TRIM44: variants seen among roughly 807,000 people sequenced by gnomAD.
TRIM44 encodes tripartite motif-containing protein 44.
A neutral mutation model predicts 37.4 loss-of-function variants in TRIM44; 13 were observed. The observed-to-expected ratio is 0.35, with a 90% CI of 0.23 to 0.55. The LOEUF (loss-of-function observed/expected upper bound fraction) is 0.55. TRIM44 is among the 20% of genes least tolerant of loss of function. The probability of loss-of-function intolerance (pLI) is 0.89; values close to 1 mark genes in which losing one functional copy is unlikely to be tolerated. For synonymous variants in TRIM44, 175 were observed against 157.2 expected (o/e 1.11, Z -0.85); for missense variants, 426 against 437.2 (o/e 0.97, Z 0.23).
At chr11:35,673,364 T>C (rs1335570199) in intron 1 of TRIM44, among the ~76,000 whole-genome samples, 3 of 152,194 alleles carry the variant, frequency 2.0e-5, no homozygotes, top group Non-Finnish European at 4.4e-5. Context: ...ATTTTATTCA[T>C]GGCAGAGACA....
chr11:35,726,186 T>G (rs777757581), intron 3 of TRIM44, 23 bp downstream of exon 3: 1 of 1,609,190 alleles, frequency 6.2e-7, no homozygotes, highest in Admixed American at 1.7e-5. Context: ...CCCATAATTA[T>G]TAGTAGCAAG....
At position 35,663,558 on chromosome 11, in the gene TRIM44, G is replaced by A; in HGVS notation, c.447G>A (p.Gly149=). 6 of 1,613,552 alleles carry A rather than the reference G, an allele frequency of 3.7e-6. No homozygotes were observed. The highest frequency in any genetic ancestry group is 2.5e-6 in the Non-Finnish European group (3 of 1,179,766). The change falls in exon 1 of 5, where the codon GGG becomes GGA. Residue 149 remains glycine (G), a synonymous_variant. Transcript: ENST00000299413. ...SEAEEDNQEE[G]ESEAEGETEA... Reference sequence around the variant, plus strand: ...CCGAAGAAGACAACCAAGAAGAAGGGGAATCCGAGGCGGAGGGAGAAACTG... The same window carrying A: ...CCGAAGAAGACAACCAAGAAGAAGGAGAATCCGAGGCGGAGGGAGAAACTG...
In TRIM44 at chr11:35,815,425, A is replaced by G. The variant is rs1178411186; in HGVS notation, c.*9040A>G. ...TCTTTGACTTGGTGATAGTAGGGCA[A>G]TAGGGAGTGTCAGTAGGGTAGTTTC... is the stretch of plus-strand genomic sequence containing the variant. On this transcript the variant is annotated 3_prime_UTR_variant, in exon 5 of 5. Transcript: ENST00000299413. The G allele has an allele frequency of 6.6e-6, 1 of 152,166 alleles. No individual in the cohort carries two copies. The highest frequency in any genetic ancestry group is 1.5e-5 in the Non-Finnish European group (1 of 68,030). 9.4% of individuals were successfully genotyped at this position (152,166 alleles called of 1,614,324 possible).
At chr11:35,727,661 T>C (rs1166921696) in intron 3 of TRIM44, among the ~76,000 whole-genome samples, 2 of 152,222 alleles carry the variant, frequency 1.3e-5, no homozygotes, top group African/African-American at 4.8e-5. Flanking sequence ...CAGCATTAAC[T>C]CCATTTTACA....
rs976198977 is a variant in TRIM44, at chr11:35,812,590, G to A, written c.*6205G>A. Reference sequence around the variant, plus strand: ...TGACCACGGTTACACCCTAATAAGCGGGAAGCCAGAATTTAAACCCAGGTC... The same window carrying A: ...TGACCACGGTTACACCCTAATAAGCAGGAAGCCAGAATTTAAACCCAGGTC... On this transcript the variant is annotated 3_prime_UTR_variant, in exon 5 of 5. Coordinates refer to ENST00000299413, the MANE Select transcript of TRIM44 (RefSeq NM_017583.6). 2 of 152,116 alleles carry A rather than the reference G, an allele frequency of 1.3e-5. No homozygotes were observed. The highest frequency in any genetic ancestry group is 2.9e-5 in the Non-Finnish European group (2 of 68,024). The allele number at this position is 152,116 out of a possible 1,614,324, so 9.4% of individuals were successfully genotyped here. A position where few individuals can be genotyped will look rare whatever the true frequency, so the allele number is the denominator to read the frequency against.
intron 1 of TRIM44, among the ~76,000 whole-genome samples, chr11:35,679,370 C>T (rs1590498626): frequency 6.6e-6 from 1 of 152,118 alleles, no homozygotes; most frequent in East Asian, 1.9e-4. Context: ...AATGTTATTT[C>T]TGTGTTTTGG....
In TRIM44 at chr11:35,770,056, A is replaced by G. The variant is rs1005891999; in HGVS notation, c.1007+34611A>G. On this transcript the variant is annotated intron_variant, in intron 4 of 4. Transcript: ENST00000299413. Reference sequence around the variant, plus strand: ...CTAATAGTTTTTCAACCCTTGCCCCACTCCCTTCCCCGTCTAGTAGTCCCT... The same window carrying G: ...CTAATAGTTTTTCAACCCTTGCCCCGCTCCCTTCCCCGTCTAGTAGTCCCT... Among the ~76,000 whole-genome samples the G allele has an allele frequency of 7.9e-5, 12 of 151,736 alleles. 1 individual carries two copies. Among genetic ancestry groups the G allele is most frequent in the African/African-American group, 2.2e-4 (9 of 41,324 alleles).
intron 1 of TRIM44, among the ~76,000 whole-genome samples, chr11:35,668,457 G>T (rs1851355627): frequency 6.6e-6 from 1 of 152,230 alleles, no homozygotes; most frequent in Non-Finnish European, 1.5e-5. Flanking sequence ...TAAGTGAGAA[G>T]ATGCAGCATT....
intron 1 of TRIM44, among the ~76,000 whole-genome samples, chr11:35,680,445 G>GT (rs11410625): frequency 0.041 from 5,954 of 145,140 alleles, 314 homozygotes; most frequent in African/African-American, 0.12. Context: ...GCAAGGTTTT[G>GT]TTTTTTTTTT....
chr11:35,670,241 A>G (rs1375070378), intron 1 of TRIM44, among the ~76,000 whole-genome samples: 3 of 152,220 alleles, frequency 2.0e-5, no homozygotes, highest in African/African-American at 7.2e-5. Context: ...GGCTCAGTAT[A>G]TGTTCTCAGA....
intron 2 of TRIM44, among the ~76,000 whole-genome samples, chr11:35,696,543 G>A (rs1216397595): frequency 6.6e-6 from 1 of 151,006 alleles, no homozygotes; most frequent in Non-Finnish European, 1.5e-5. Context: ...CCCTTTTTTG[G>A]TAGTTTATTT....
intron 2 of TRIM44, among the ~76,000 whole-genome samples, chr11:35,705,918 G>T (rs942713964): frequency 6.7e-6 from 1 of 148,508 alleles, no homozygotes; most frequent in African/African-American, 2.4e-5. Context: ...AATCAGAGCA[G>T]AACTGAAGGA....
intron 4 of TRIM44, among the ~76,000 whole-genome samples, chr11:35,786,659 A>C (rs1018349602): frequency 3.9e-5 from 6 of 152,206 alleles, no homozygotes; most frequent in African/African-American, 1.4e-4. Context: ...AAAACAGAGA[A>C]TCATAATGCC....
intron 2 of TRIM44, among the ~76,000 whole-genome samples, chr11:35,696,212 C>G (rs577182908): frequency 6.7e-6 from 1 of 149,856 alleles, no homozygotes; most frequent in Non-Finnish European, 1.5e-5. Flanking sequence ...GGTGCAATCT[C>G]AGCTCACTGC....
chr11:35,701,637 G>C (rs1207365368), intron 2 of TRIM44, among the ~76,000 whole-genome samples: 4 of 152,178 alleles, frequency 2.6e-5, no homozygotes, highest in South Asian at 4.1e-4. Flanking sequence ...TAACTGACCA[G>C]TTTTCTGGGC....
At position 35,685,324 on chromosome 11, in the gene TRIM44, C is replaced by T; in HGVS notation, c.735C>T (p.Ser245=). ...TGGTGGAAAGGTTGAAGTTCAAGAG[C>T]TCAGACCCTAAAGTAAGTATTGTTT... ...IELVERLKFK[S]SDPKVTRDQM... The change falls in exon 2 of 5, where the codon AGC becomes AGT. Residue 245 remains serine, a synonymous_variant. Transcript: ENST00000299413. The T allele has an allele frequency of 6.2e-7, 1 of 1,614,146 alleles. No individual in the cohort carries two copies. The highest frequency in any genetic ancestry group is 8.5e-7 in the Non-Finnish European group (1 of 1,179,964).
intron 3 of TRIM44, among the ~76,000 whole-genome samples, chr11:35,731,833 T>G (rs1012756155): frequency 6.6e-6 from 1 of 152,156 alleles, no homozygotes; most frequent in African/African-American, 2.4e-5. Flanking sequence ...TGATAACCAT[T>G]TATTTTAAAC....
chr11:35,776,531 C>G (rs1249502176), intron 4 of TRIM44, among the ~76,000 whole-genome samples: 2 of 152,102 alleles, frequency 1.3e-5, no homozygotes, highest in Admixed American at 6.5e-5. Context: ...TGCTTCTTTA[C>G]TTCTTTTAAT....
At chr11:35,722,156 G>A (rs1177467509) in intron 2 of TRIM44, among the ~76,000 whole-genome samples, 1 of 152,104 alleles carries the variant, frequency 6.6e-6, no homozygotes. Context: ...TTGTTTTTCT[G>A]TTTTAGAACA....
Sources: allele counts gnomAD v4.1 joint callset (sites outside exome capture counted in the v4.1 genomes callset), GRCh38; gene constraint gnomAD v4.1.1; transcripts MANE v1.5; gene names NCBI Gene and HGNC (gene_info 2026-07-23, HGNC 2026-07-21).